Variants in STXBP4 observed in about 807,000 individuals in gnomAD.
STXBP4 encodes the protein syntaxin binding protein 4.
Under a neutral mutation model 76.1 loss-of-function variants are expected in STXBP4, and 55 were observed. The ratio of observed to expected loss-of-function variants is 0.72; its 90% CI spans 0.58 to 0.91. The LOEUF (loss-of-function observed/expected upper bound fraction) is 0.91. STXBP4 is among the 40% of genes least tolerant of loss of function. STXBP4 has a pLI of 0.00. For missense variants in STXBP4, 618 were observed against 636.9 expected, an observed-to-expected ratio of 0.97 and a Z score of 0.32; for synonymous variants, 201 against 220.2, an observed-to-expected ratio of 0.91 and a Z score of 0.77.
rs996737318 is a variant in STXBP4 at position 55,169,689 on chromosome 17, G to A, written c.*9778G>A. 6.6e-6 allele frequency: 1 copy of A among 152,202 alleles called. No homozygotes were observed. The highest frequency in any genetic ancestry group is 2.4e-5 in the African/African-American group (1 of 41,446). The allele number at this position is 152,202 out of a possible 1,614,324, so 9.4% of individuals were successfully genotyped here. ...CTTAAAATTCAGCTAAAGATGAAAT[G>A]CCTTAACAAGTGAAATGGGCTTTCT... On this transcript the variant is annotated 3_prime_UTR_variant, in exon 18 of 18. Coordinates refer to ENST00000376352, the MANE Select transcript of STXBP4 (RefSeq NM_178509.6).
intron 16 of STXBP4, among the ~76,000 whole-genome samples, chr17:55,107,517 A>G (rs769697448): frequency 5.3e-5 from 8 of 152,194 alleles, no homozygotes; most frequent in Non-Finnish European, 1.2e-4. Context: ...GATAAGAAGC[A>G]TTCTGGTTTT....
the STXBP4 span, among the ~76,000 whole-genome samples, chr17:55,180,139 T>C: frequency 6.6e-6 from 1 of 152,128 alleles, no homozygotes; most frequent in African/African-American, 2.4e-5. Flanking sequence ...GCCTCCTCCA[T>C]TGGGCACAAA....
chr17:55,050,134 T>C (rs1368208862), intron 12 of STXBP4, among the ~76,000 whole-genome samples: 1 of 152,100 alleles, frequency 6.6e-6, no homozygotes, highest in Non-Finnish European at 1.5e-5. Context: ...GCAGATGATA[T>C]GGTAGTAATC....
intron 16 of STXBP4, among the ~76,000 whole-genome samples, chr17:55,082,423 G>C (rs1326875848): frequency 6.6e-6 from 1 of 152,026 alleles, no homozygotes; most frequent in Non-Finnish European, 1.5e-5. Flanking sequence ...TTAAAACTAT[G>C]CAAAAATATT....
In STXBP4 at chr17:55,161,404, T is replaced by A. The variant is rs2080335956; in HGVS notation, c.*1493T>A. 1 of 152,230 alleles carries A rather than the reference T, an allele frequency of 6.6e-6. No individual in the cohort carries two copies. The highest frequency in any genetic ancestry group is 6.5e-5 in the Admixed American group (1 of 15,282). 9.4% of individuals were successfully genotyped at this position (152,230 alleles called of 1,614,324 possible). A position where few individuals can be genotyped will look rare whatever the true frequency, so the allele number is the denominator to read the frequency against. Reference sequence around the variant, plus strand: ...GAGAGAAGCCCCAGAGGGAGCTATTTCCTTGCACCCCCCAGAGGTGAATGA... The same window carrying A: ...GAGAGAAGCCCCAGAGGGAGCTATTACCTTGCACCCCCCAGAGGTGAATGA... On this transcript the variant is annotated 3_prime_UTR_variant, in exon 18 of 18. Coordinates refer to ENST00000376352, the MANE Select transcript of STXBP4 (RefSeq NM_178509.6).
rs1236769896 is a variant in STXBP4, at chr17:55,042,150, G to A, written c.856-1086G>A. On this transcript the variant is annotated intron_variant, in intron 10 of 17. Coordinates refer to ENST00000376352, the MANE Select transcript of STXBP4 (RefSeq NM_178509.6). ...TAATTCCTACTTCTGTTATTCTGGA[G>A]TTTGGAAAGCAAATATGAGTTTATT... Among the ~76,000 whole-genome samples the A allele has an allele frequency of 2.0e-5, 3 of 152,120 alleles. No individual in the cohort carries two copies. The East Asian group carries it at 5.8e-4, about 29-fold the overall frequency.
chr17:54,998,824 A>G (rs1434643247), intron 4 of STXBP4, among the ~76,000 whole-genome samples: 1 of 137,522 alleles, frequency 7.3e-6, no homozygotes, highest in African/African-American at 2.5e-5. Flanking sequence ...CATCTCTACA[A>G]AAAATTTTGA....
At chr17:54,991,364 A>T (rs2144409264) in intron 4 of STXBP4, 1 of 152,484 alleles carries the variant, frequency 6.6e-6, no homozygotes, top group East Asian at 1.9e-4. Flanking sequence ...ACAGCAAACA[A>T]AATCTAATTT....
At chr17:55,180,095 C>T in the STXBP4 span, among the ~76,000 whole-genome samples, 1 of 152,150 alleles carries the variant, frequency 6.6e-6, no homozygotes, top group Non-Finnish European at 1.5e-5. Flanking sequence ...AGCTTTGTTA[C>T]CTTGAGCTAA....
intron 17 of STXBP4, among the ~76,000 whole-genome samples, chr17:55,149,141 C>A (rs539628553): frequency 6.6e-6 from 1 of 152,194 alleles, no homozygotes; most frequent in Admixed American, 6.5e-5. Context: ...TATTTTGCCC[C>A]CAAATACTTC....
intron 16 of STXBP4, among the ~76,000 whole-genome samples, chr17:55,126,859 A>G (rs567338135): frequency 6.6e-6 from 1 of 152,326 alleles, no homozygotes; most frequent in African/African-American, 2.4e-5. Flanking sequence ...AACTCAGTGG[A>G]TGACATTAAG....
In STXBP4 at chr17:55,166,275, T is replaced by C. The variant is rs963537461; in HGVS notation, c.*6364T>C. 1 of 152,218 alleles carries C rather than the reference T, an allele frequency of 6.6e-6. No homozygotes were observed. The highest frequency in any genetic ancestry group is 2.4e-5 in the African/African-American group (1 of 41,446). The allele number at this position is 152,218 out of a possible 1,614,324, so 9.4% of individuals were successfully genotyped here. ...CTCTGTTTCATGCAAACATGGCTTA[T>C]TTATTTTTCAAGTCTTTCTCATTTC... On this transcript the variant is annotated 3_prime_UTR_variant, in exon 18 of 18. Transcript: ENST00000376352.
Position 55,168,094 on chromosome 17 carries a change from G to A in STXBP4, c.*8183G>A, listed in dbSNP as rs559263804. Reference sequence around the variant, plus strand: ...ATTACCACACAAAAATAAGAAGTTGGCACCAAATTAAATGCATGGATTACT... The same window carrying A: ...ATTACCACACAAAAATAAGAAGTTGACACCAAATTAAATGCATGGATTACT... On this transcript the variant is annotated 3_prime_UTR_variant, in exon 18 of 18. Transcript: ENST00000376352. 4.7e-4 allele frequency: 65 copies of A among 137,456 alleles called. No homozygotes were observed. Among genetic ancestry groups the A allele is most frequent in the African/African-American group, 1.8e-3 (63 of 35,890 alleles). The allele number at this position is 137,456 out of a possible 1,614,324, so 8.5% of individuals were successfully genotyped here. A position where few individuals can be genotyped will look rare whatever the true frequency, so the allele number is the denominator to read the frequency against.
the STXBP4 span, among the ~76,000 whole-genome samples, chr17:55,183,709 AG>A: frequency 2.0e-5 from 3 of 152,230 alleles, no homozygotes; most frequent in Admixed American, 2.0e-4. Context: ...TACAGTGCAA[AG>A]AAAAACTGAA....
At chr17:55,100,440 G>A (rs1456857013) in intron 16 of STXBP4, among the ~76,000 whole-genome samples, 1 of 152,108 alleles carries the variant, frequency 6.6e-6, no homozygotes, top group Non-Finnish European at 1.5e-5. Flanking sequence ...GTAAATCAAG[G>A]GAAGCTTCAC....
intron 12 of STXBP4, among the ~76,000 whole-genome samples, chr17:55,049,467 A>T (rs1235324369): frequency 1.3e-5 from 2 of 152,034 alleles, no homozygotes; most frequent in Non-Finnish European, 2.9e-5. Context: ...AACAGAATAC[A>T]TCATTTTGTT....
rs934193652 is a variant in STXBP4 at position 55,171,833 on chromosome 17, C to T, written c.*11922C>T. The T allele has an allele frequency of 6.6e-6, 1 of 152,222 alleles. No homozygotes were observed. The highest frequency in any genetic ancestry group is 6.5e-5 in the Admixed American group (1 of 15,278). The allele number at this position is 152,222 out of a possible 1,614,324, so 9.4% of individuals were successfully genotyped here. ...GCCCAGCTGACACCTTGACCTTGGACTTCTAGCCTCCAAACTGTGAGACAA... is the reference window on the plus strand; with the variant it reads ...GCCCAGCTGACACCTTGACCTTGGATTTCTAGCCTCCAAACTGTGAGACAA... On this transcript the variant is annotated 3_prime_UTR_variant, in exon 18 of 18. Coordinates refer to ENST00000376352, the MANE Select transcript of STXBP4 (RefSeq NM_178509.6).
intron 16 of STXBP4, among the ~76,000 whole-genome samples, chr17:55,110,040 G>A (rs244365): frequency 0.63 from 95,276 of 152,060 alleles, 30,515 homozygotes; most frequent in African/African-American, 0.75. Context: ...CAGCAAAGCT[G>A]CATTCTCTTC....
intron 8 of STXBP4, among the ~76,000 whole-genome samples, chr17:55,016,801 C>G (rs1441270385): frequency 6.6e-6 from 1 of 152,154 alleles, no homozygotes; most frequent in Non-Finnish European, 1.5e-5. Context: ...CAGAATAGCC[C>G]CATACTTTAA....
Sources: allele counts gnomAD v4.1 joint callset (sites outside exome capture counted in the v4.1 genomes callset), GRCh38; gene constraint gnomAD v4.1.1; transcripts MANE v1.5; gene names NCBI Gene and HGNC (gene_info 2026-07-23, HGNC 2026-07-21).